Variants in EXOC2 observed in about 807,000 individuals in gnomAD.
EXOC2 encodes SEC5-like 1.
Under a neutral mutation model 131.8 loss-of-function variants are expected in EXOC2, and 70 were observed. The observed-to-expected ratio is 0.53, with a 90% CI of 0.44 to 0.65. The LOEUF (loss-of-function observed/expected upper bound fraction) is 0.65. Ranked by LOEUF, EXOC2 falls within the 30% of genes least tolerant of loss-of-function variation. The pLI, the probability that EXOC2 is intolerant of heterozygous loss-of-function variation, is 0.00. For synonymous variants in EXOC2, 411 were observed against 398.4 expected, an observed-to-expected ratio of 1.03 and a Z score of -0.38; for missense variants, 923 against 1,108.6, an observed-to-expected ratio of 0.83 and a Z score of 2.38.
At chr6:522,865 A>G (rs1765547912) in intron 23 of EXOC2, among the ~76,000 whole-genome samples, 1 of 152,244 alleles carries the variant, frequency 6.6e-6, no homozygotes. Flanking sequence ...TAGACTGAGT[A>G]CAGATGACCA....
intron 11 of EXOC2, among the ~76,000 whole-genome samples, chr6:588,641 C>T (rs1224173720): frequency 1.3e-5 from 2 of 152,374 alleles, no homozygotes; most frequent in East Asian, 1.9e-4. Flanking sequence ...GCGTGGGCCA[C>T]CGCACCGGCC....
chr6:486,996 A>C (rs143036965), intron 27 of EXOC2, among the ~76,000 whole-genome samples: 2 of 152,332 alleles, frequency 1.3e-5, no homozygotes, highest in East Asian at 3.9e-4. Flanking sequence ...TCTCCTTCCT[A>C]TCCCCTCCCA....
intron 11 of EXOC2, among the ~76,000 whole-genome samples, chr6:578,045 G>T (rs1428809118): frequency 6.6e-6 from 1 of 152,128 alleles, no homozygotes; most frequent in African/African-American, 2.4e-5. Flanking sequence ...CTCCACCAAA[G>T]ACTGCTGTTT....
rs374111944 is a variant in EXOC2, at chr6:632,981, G to A, written c.255C>T (p.Thr85=). The change falls in exon 3 of 28, where the codon ACC becomes ACT. Residue 85 remains threonine, a synonymous_variant. Coordinates refer to ENST00000230449, the MANE Select transcript of EXOC2 (RefSeq NM_018303.6). Reference sequence around the variant, plus strand: ...TGAGTAGCTTGAAAGAGACTGTTGAGGTTCCTCTGCCACCTGACTTAGTGG... The same window carrying A: ...TGAGTAGCTTGAAAGAGACTGTTGAAGTTCCTCTGCCACCTGACTTAGTGG... ...IVTTKSGGRG[T]STVSFKLLKP... 1.9e-6 allele frequency: 3 copies of A among 1,614,034 alleles called. No individual in the cohort carries two copies. Among genetic ancestry groups the A allele is most frequent in the Non-Finnish European group, 2.5e-6 (3 of 1,179,980 alleles).
chr6:645,750 A>T (rs1459933801), intron 1 of EXOC2, among the ~76,000 whole-genome samples: 1 of 152,234 alleles, frequency 6.6e-6, no homozygotes, highest in Non-Finnish European at 1.5e-5. Flanking sequence ...GGCTAGAAGC[A>T]ATAATACAAC....
chr6:626,000 G>A (rs1286921258), intron 4 of EXOC2, among the ~76,000 whole-genome samples: 1 of 152,134 alleles, frequency 6.6e-6, no homozygotes, highest in African/African-American at 2.4e-5. Flanking sequence ...ACAAAGCCTA[G>A]CAAAGGTTCT....
chr6:553,629 C>T (rs1215007010), intron 21 of EXOC2, among the ~76,000 whole-genome samples: 3 of 152,204 alleles, frequency 2.0e-5, no homozygotes, highest in Admixed American at 6.5e-5. Context: ...CAGATGCAGA[C>T]AGTATATGGA....
intron 23 of EXOC2, among the ~76,000 whole-genome samples, chr6:511,080 A>G (rs9392615): frequency 0.22 from 33,694 of 152,182 alleles, 4,673 homozygotes; most frequent in East Asian, 0.42. Context: ...GCAGGTCTGG[A>G]AGCAGCTGGG....
intron 1 of EXOC2, chr6:656,430 A>T (rs199941224): frequency 5.0e-6 from 8 of 1,613,836 alleles, no homozygotes; most frequent in Non-Finnish European, 6.8e-6. Flanking sequence ...CACGTTCGCC[A>T]TCCTCTCCAC....
At chr6:686,153 G>A (rs1764644882) in intron 1 of EXOC2, among the ~76,000 whole-genome samples, 1 of 151,636 alleles carries the variant, frequency 6.6e-6, no homozygotes, top group Admixed American at 6.6e-5. Flanking sequence ...TAGTAGAGAC[G>A]GGGTTTCATC....
At position 607,266 on chromosome 6, in the gene EXOC2, A is replaced by G. The variant is rs1760469486; in HGVS notation, c.742+2832T>C. 2.6e-5 allele frequency among the ~76,000 whole-genome samples: 4 copies of G among 152,336 alleles called. No homozygotes were observed. In the South Asian group the frequency reaches 8.3e-4, roughly 32 times the overall value. ...ACGGCCTGCCTGCAGTTCAAAGCAC[A>G]AGTCTGGAGCCATATTTCTGGATAT... On this transcript the variant is annotated intron_variant, in intron 7 of 27. Transcript: ENST00000230449.
chr6:669,413 C>G (rs935147995), intron 1 of EXOC2: 1 of 152,528 alleles, frequency 6.6e-6, no homozygotes, highest in East Asian at 1.9e-4. Context: ...ACAGTTGATT[C>G]TGTCTGGGGT....
At chr6:580,484 A>C (rs1449277713) in intron 11 of EXOC2, among the ~76,000 whole-genome samples, 1 of 152,176 alleles carries the variant, frequency 6.6e-6, no homozygotes, top group Non-Finnish European at 1.5e-5. Context: ...CTGTTCCTAG[A>C]ATTTGTTTTC....
At chr6:512,694 A>G (rs539628174) in intron 23 of EXOC2, among the ~76,000 whole-genome samples, 1 of 152,210 alleles carries the variant, frequency 6.6e-6, no homozygotes, top group Non-Finnish European at 1.5e-5. Context: ...GGTCTGACCC[A>G]TGCCCTGTAC....
intron 6 of EXOC2, among the ~76,000 whole-genome samples, chr6:614,560 C>T (rs1760886035): frequency 6.6e-6 from 1 of 152,182 alleles, no homozygotes; most frequent in Admixed American, 6.5e-5. Context: ...TTCTGTGAGT[C>T]CTTCTAGCAA....
intron 6 of EXOC2, among the ~76,000 whole-genome samples, chr6:613,899 TA>T (rs1160997426): frequency 1.3e-5 from 2 of 150,812 alleles, no homozygotes; most frequent in Non-Finnish European, 3.0e-5. Context: ...AATAAATAAA[TA>T]AAATAAAATA....
chr6:552,013 C>G (rs1223871294), intron 21 of EXOC2, among the ~76,000 whole-genome samples: 1 of 152,220 alleles, frequency 6.6e-6, no homozygotes, highest in East Asian at 1.9e-4. Context: ...GTTGGAGGAG[C>G]ACAGAGTGCC....
chr6:527,857 A>T (rs921426541), intron 23 of EXOC2, among the ~76,000 whole-genome samples: 4 of 151,532 alleles, frequency 2.6e-5, no homozygotes, highest in African/African-American at 9.7e-5. Context: ...AATTTTTATG[A>T]CTTTTTGATA....
At chr6:501,986 C>T (rs943798471) in intron 23 of EXOC2, among the ~76,000 whole-genome samples, 3 of 152,102 alleles carry the variant, frequency 2.0e-5, no homozygotes, top group Non-Finnish European at 2.9e-5. Flanking sequence ...AAAGCCACAC[C>T]CCCCGGTGTC....
Sources: gnomAD v4.1 joint callset for allele counts (sites outside exome capture counted in the v4.1 genomes callset) on GRCh38, gnomAD v4.1.1 for gene constraint, MANE v1.5 for transcripts, NCBI Gene and HGNC (gene_info 2026-07-23, HGNC 2026-07-21) for gene names.